AUTS2: variants seen among roughly 807,000 people sequenced by gnomAD.
AUTS2 encodes the protein autism susceptibility gene 2 protein.
In AUTS2, 17 loss-of-function variants were observed where a neutral mutation model predicts 112.4. The ratio of observed to expected loss-of-function variants is 0.15; its 90% CI spans 0.10 to 0.23. The LOEUF (loss-of-function observed/expected upper bound fraction) is 0.23. Ranked by LOEUF, AUTS2 falls within the 10% of genes least tolerant of loss-of-function variation. The pLI, the probability that AUTS2 is intolerant of heterozygous loss-of-function variation, is 1.00. For missense variants in AUTS2, 1,510 were observed against 1,701.6 expected, an observed-to-expected ratio of 0.89 and a Z score of 1.98; for synonymous variants, 751 against 702.7, an observed-to-expected ratio of 1.07 and a Z score of -1.09.
At chr7:70,700,450 T>G (rs1338960485) in intron 6 of AUTS2, among the ~76,000 whole-genome samples, 2 of 152,200 alleles carry the variant, frequency 1.3e-5, no homozygotes, top group Non-Finnish European at 2.9e-5. Flanking sequence ...ATGGCCTTTC[T>G]TTTCTCCTCC....
intron 5 of AUTS2, among the ~76,000 whole-genome samples, chr7:70,683,340 C>T (rs1808300470): frequency 6.6e-6 from 1 of 152,158 alleles, no homozygotes; most frequent in African/African-American, 2.4e-5. Flanking sequence ...TATTTATTTA[C>T]TCATTGATCT....
chr7:69,768,218 C>G (rs568314172), intron 1 of AUTS2, among the ~76,000 whole-genome samples: 2 of 152,304 alleles, frequency 1.3e-5, no homozygotes, highest in South Asian at 4.1e-4. Context: ...AACATCCAAG[C>G]CACTCACTCT....
chr7:70,476,377 T>A (rs547765657), intron 5 of AUTS2, among the ~76,000 whole-genome samples: 1 of 152,240 alleles, frequency 6.6e-6, no homozygotes, highest in South Asian at 2.1e-4. Context: ...CCCTGCCCAC[T>A]CCCAACCTTT....
chr7:69,898,826 G>A (rs1249148005), intron 1 of AUTS2, among the ~76,000 whole-genome samples: 3 of 152,128 alleles, frequency 2.0e-5, no homozygotes, highest in Non-Finnish European at 2.9e-5. Context: ...TTTCTTGCTG[G>A]CTCACATCCA....
intron 5 of AUTS2, among the ~76,000 whole-genome samples, chr7:70,523,200 C>T (rs980748412): frequency 6.6e-6 from 1 of 152,192 alleles, no homozygotes; most frequent in South Asian, 2.1e-4. Flanking sequence ...GACAGCAGTT[C>T]TGTGTGGGGC....
intron 5 of AUTS2, among the ~76,000 whole-genome samples, chr7:70,676,509 G>T (rs1807921393): frequency 6.6e-6 from 1 of 152,184 alleles, no homozygotes; most frequent in Admixed American, 6.5e-5. Context: ...GGCCCAGGGA[G>T]TCTGAGGGGT....
chr7:70,162,293 A>G (rs1303061558), intron 4 of AUTS2, among the ~76,000 whole-genome samples: 1 of 150,390 alleles, frequency 6.6e-6, no homozygotes, highest in East Asian at 1.9e-4. Flanking sequence ...AAAAATACAA[A>G]AAATTAGCCG....
intron 5 of AUTS2, among the ~76,000 whole-genome samples, chr7:70,520,111 A>G (rs1167872814): frequency 5.3e-5 from 8 of 152,182 alleles, no homozygotes; most frequent in Admixed American, 1.3e-4. Flanking sequence ...TTCTATTTCA[A>G]TGAGGTCCTC....
At chr7:70,043,583 TCC>T (rs1563060732) in intron 2 of AUTS2, among the ~76,000 whole-genome samples, 7 of 117,934 alleles carry the variant, frequency 5.9e-5, no homozygotes, top group Admixed American at 1.7e-4. Flanking sequence ...CTTCCTTCCT[TCC>T]TTCCTTCCTT....
chr7:70,579,244 T>TAAAAAAAAAAAAAAAAAAAAA (rs10611601), intron 5 of AUTS2, among the ~76,000 whole-genome samples: 1,679 of 55,546 alleles, frequency 0.03, 229 homozygotes, highest in Non-Finnish European at 0.042. Flanking sequence ...TTCTCTTTTC[T>TAAAAAAAAAAAAAAAAAAAAA]AAAAAAAAAA....
chr7:70,110,235 G>A (rs117163735), intron 2 of AUTS2, among the ~76,000 whole-genome samples: 2,265 of 152,312 alleles, frequency 0.015, 31 homozygotes, highest in Middle Eastern at 0.041. Flanking sequence ...TTTTATTAGG[G>A]CTGGGCGCAG....
intron 5 of AUTS2, among the ~76,000 whole-genome samples, chr7:70,627,340 GTTAT>G (rs1402586766): frequency 2.0e-5 from 3 of 152,188 alleles, no homozygotes; most frequent in South Asian, 4.1e-4. Flanking sequence ...TTTTAATGGG[GTTAT>G]TTGTTTTGTG....
intron 4 of AUTS2, among the ~76,000 whole-genome samples, chr7:70,303,449 C>CACACACAG (rs1789336705): frequency 6.6e-6 from 1 of 151,230 alleles, no homozygotes; most frequent in East Asian, 2.0e-4. Context: ...TACACACACA[C>CACACACAG]ACACACACAC....
chr7:70,651,415 A>T (rs1244014092), intron 5 of AUTS2, among the ~76,000 whole-genome samples: 1 of 152,246 alleles, frequency 6.6e-6, no homozygotes, highest in Non-Finnish European at 1.5e-5. Flanking sequence ...TTACATCCCG[A>T]TAAACCCTTC....
intron 5 of AUTS2, among the ~76,000 whole-genome samples, chr7:70,445,962 A>G (rs929617964): frequency 6.6e-6 from 1 of 152,174 alleles, no homozygotes; most frequent in Non-Finnish European, 1.5e-5. Flanking sequence ...ATTTCTTCTG[A>G]GCTTCCAGTC....
intron 4 of AUTS2, among the ~76,000 whole-genome samples, chr7:70,405,752 G>A (rs957184033): frequency 3.3e-5 from 5 of 152,184 alleles, no homozygotes; most frequent in African/African-American, 1.2e-4. Context: ...GCAGCTGAAG[G>A]CCTGCTCATA....
intron 4 of AUTS2, among the ~76,000 whole-genome samples, chr7:70,386,269 C>A (rs1377259053): frequency 6.6e-6 from 1 of 152,154 alleles, no homozygotes; most frequent in Non-Finnish European, 1.5e-5. Flanking sequence ...AGACATAAAA[C>A]CAAGACGCTT....
chr7:70,262,023 G>T (rs1046085084), intron 4 of AUTS2, among the ~76,000 whole-genome samples: 1 of 152,042 alleles, frequency 6.6e-6, no homozygotes, highest in Non-Finnish European at 1.5e-5. Context: ...CATAATTAAA[G>T]CATTTTAAGA....
intron 1 of AUTS2, among the ~76,000 whole-genome samples, chr7:69,851,750 A>G (rs1792494286): frequency 1.3e-5 from 2 of 152,204 alleles, no homozygotes; most frequent in African/African-American, 4.8e-5. Context: ...TTTCTGAGAC[A>G]TTATACATAA....
Sources: allele counts gnomAD v4.1 joint callset (sites outside exome capture counted in the v4.1 genomes callset), GRCh38; gene constraint gnomAD v4.1.1; transcripts MANE v1.5; gene names NCBI Gene and HGNC (gene_info 2026-07-23, HGNC 2026-07-21).